Variants in TFEC observed in about 807,000 individuals in gnomAD.
TFEC encodes class E basic helix-loop-helix protein 34.
In TFEC, 31 loss-of-function variants were observed where a neutral mutation model predicts 41.6. The ratio of observed to expected loss-of-function variants is 0.74; its 90% CI spans 0.56 to 1.01. The LOEUF (loss-of-function observed/expected upper bound fraction) is 1.01. TFEC is among the 50% of genes least tolerant of loss of function. The pLI, the probability that TFEC is intolerant of heterozygous loss-of-function variation, is 0.00. For synonymous variants in TFEC, 143 were observed against 140.6 expected (o/e 1.02, Z -0.12); for missense variants, 402 against 404.1 (o/e 0.99, Z 0.04).
rs540827940 is a variant in TFEC at position 115,998,153 on chromosome 7, C to T, written c.-72-13640G>A. Among the ~76,000 whole-genome samples, 171 of 152,100 alleles carry T rather than the reference C, an allele frequency of 1.1e-3. 1 individual carries two copies. The highest frequency in any genetic ancestry group is 3.9e-3 in the African/African-American group (160 of 41,532). On this transcript the variant is annotated intron_variant, in intron 1 of 7. Transcript: ENST00000265440. ...TAACTCAAAGAAGGCTACCTTAAGA[C>T]ATTTAATAATCAAACACCAAAGGTC...
chr7:115,959,988 CAG>C (rs1792449684), intron 3 of TFEC, among the ~76,000 whole-genome samples: 1 of 151,282 alleles, frequency 6.6e-6, no homozygotes, highest in Admixed American at 6.6e-5. Flanking sequence ...CAATGGGCGA[CAG>C]TATTTTATTT....
intron 3 of TFEC, among the ~76,000 whole-genome samples, chr7:116,082,922 T>C (rs1165329130): frequency 6.6e-6 from 1 of 151,922 alleles, no homozygotes; most frequent in Non-Finnish European, 1.5e-5. Flanking sequence ...TCTCCTGTAA[T>C]ACTTTACTGT....
At chr7:115,942,757 A>G (rs192786469) in intron 6 of TFEC, among the ~76,000 whole-genome samples, 2 of 152,166 alleles carry the variant, frequency 1.3e-5, no homozygotes, top group East Asian at 3.9e-4. Flanking sequence ...TTTCATTAAA[A>G]CTTACTTTTA....
intron 1 of TFEC, among the ~76,000 whole-genome samples, chr7:116,013,462 C>T (rs777642992): frequency 1.5e-4 from 23 of 152,090 alleles, no homozygotes; most frequent in Admixed American, 2.6e-4. Flanking sequence ...AGACTGATCA[C>T]AGGACCTCAT....
chr7:116,030,644 G>C lies in TFEC; in HGVS notation c.-84C>G. ...GTTTAGTTACCTACCAGCAATGAGT[G>C]GATTTTATCAGTGTTGTCATCTCTA... On this transcript the variant is annotated 5_prime_UTR_variant, in exon 1 of 8. Transcript: ENST00000265440. The C allele has an allele frequency of 4.1e-6, 4 of 985,340 alleles. No individual in the cohort carries two copies. The highest frequency in any genetic ancestry group is 4.8e-6 in the Non-Finnish European group (4 of 829,918). 61.0% of individuals were successfully genotyped at this position (985,340 alleles called of 1,614,324 possible). A position where few individuals can be genotyped will look rare whatever the true frequency, so the allele number is the denominator to read the frequency against.
At chr7:116,092,579 T>C (rs1797353623) in intron 3 of TFEC, among the ~76,000 whole-genome samples, 1 of 152,226 alleles carries the variant, frequency 6.6e-6, no homozygotes. Flanking sequence ...GTTTAATATG[T>C]ATGTGTACAT....
chr7:116,048,105 G>T (rs1796214319), intron 3 of TFEC, among the ~76,000 whole-genome samples: 1 of 152,234 alleles, frequency 6.6e-6, no homozygotes, highest in South Asian at 2.1e-4. Flanking sequence ...ACAGCTCCTT[G>T]CCAGCAATGG....
At chr7:116,103,247 G>C (rs761887212) in intron 3 of TFEC, among the ~76,000 whole-genome samples, 1 of 152,146 alleles carries the variant, frequency 6.6e-6, no homozygotes, top group Admixed American at 6.6e-5. Flanking sequence ...GACAAAAGCA[G>C]GGAAGCTGTG....
At chr7:116,105,366 G>T (rs2116015850) in intron 3 of TFEC, among the ~76,000 whole-genome samples, 1 of 152,300 alleles carries the variant, frequency 6.6e-6, no homozygotes, top group Non-Finnish European at 1.5e-5. Flanking sequence ...TTTTTCTCCA[G>T]TTAATAGCCT....
At chr7:116,037,424 C>T (rs1233413488) in intron 3 of TFEC, among the ~76,000 whole-genome samples, 2 of 151,926 alleles carry the variant, frequency 1.3e-5, no homozygotes, top group Admixed American at 6.6e-5. Context: ...CGAAATCAGA[C>T]ATGGGTGCAT....
intron 3 of TFEC, among the ~76,000 whole-genome samples, chr7:116,066,913 TA>T (rs1796707075): frequency 6.6e-6 from 1 of 152,100 alleles, no homozygotes; most frequent in African/African-American, 2.4e-5. Context: ...GTAGAGGCCA[TA>T]ATTTGTCTTG....
At chr7:115,988,684 T>G (rs557115323) in intron 1 of TFEC, among the ~76,000 whole-genome samples, 139 of 152,080 alleles carry the variant, frequency 9.1e-4, no homozygotes, top group Middle Eastern at 3.4e-3. Context: ...GACTGAGAAT[T>G]TCTTCAATTA....
intron 1 of TFEC, among the ~76,000 whole-genome samples, chr7:116,130,822 G>T (rs1798317124): frequency 1.3e-5 from 2 of 152,134 alleles, no homozygotes; most frequent in African/African-American, 4.8e-5. Flanking sequence ...ATATTGCTCA[G>T]GCTGGTTTCA....
At chr7:116,077,907 T>C (rs1796997441) in intron 3 of TFEC, among the ~76,000 whole-genome samples, 1 of 152,012 alleles carries the variant, frequency 6.6e-6, no homozygotes, top group South Asian at 2.1e-4. Context: ...TAACTTAAAC[T>C]ATACCCTACA....
intron 3 of TFEC, among the ~76,000 whole-genome samples, chr7:116,047,961 C>T (rs943049224): frequency 6.6e-6 from 1 of 152,116 alleles, no homozygotes; most frequent in African/African-American, 2.4e-5. Flanking sequence ...GAAAGGACAT[C>T]CGCACCAAAA....
intron 1 of TFEC, among the ~76,000 whole-genome samples, chr7:116,013,805 T>C (rs1409072539): frequency 2.0e-4 from 31 of 152,112 alleles, no homozygotes; most frequent in Admixed American, 2.0e-3. Flanking sequence ...GAAAAATCAT[T>C]TGGAGTTGCT....
chr7:116,044,051 A>T (rs953574742), intron 3 of TFEC, among the ~76,000 whole-genome samples: 1 of 152,328 alleles, frequency 6.6e-6, no homozygotes, highest in Non-Finnish European at 1.5e-5. Context: ...AGTAATCTAC[A>T]GTCTCTGAAA....
intron 1 of TFEC, among the ~76,000 whole-genome samples, chr7:116,001,600 G>A (rs1480356961): frequency 2.0e-5 from 3 of 151,572 alleles, no homozygotes; most frequent in Non-Finnish European, 4.4e-5. Context: ...GTTATTTTTT[G>A]AGTAATATCC....
intron 1 of TFEC, among the ~76,000 whole-genome samples, chr7:116,025,305 A>G (rs1323783754): frequency 6.6e-6 from 1 of 152,140 alleles, no homozygotes; most frequent in Non-Finnish European, 1.5e-5. Flanking sequence ...ACATTGGCCC[A>G]TTGTTATGTT....
Sources: allele counts gnomAD v4.1 joint callset (sites outside exome capture counted in the v4.1 genomes callset), GRCh38; gene constraint gnomAD v4.1.1; transcripts MANE v1.5; gene names NCBI Gene and HGNC (gene_info 2026-07-23, HGNC 2026-07-21).